COBL: variants seen among roughly 807,000 people sequenced by gnomAD.
COBL encodes protein cordon-bleu.
In COBL, 51 loss-of-function variants were observed where a neutral mutation model predicts 98.8. The ratio of observed to expected loss-of-function variants is 0.52; its 90% CI spans 0.41 to 0.65. The LOEUF (loss-of-function observed/expected upper bound fraction) is 0.65, where lower values mean the gene tolerates loss of function less well. Among genes scored for constraint, COBL ranks in the 30% least tolerant of loss-of-function variants. The pLI, the probability that COBL is intolerant of heterozygous loss-of-function variation, is 0.00. For synonymous variants in COBL, 634 were observed against 651.7 expected, an observed-to-expected ratio of 0.97 and a Z score of 0.41; for missense variants, 1,617 against 1,617.5, an observed-to-expected ratio of 1.00 and a Z score of 0.01.
At chr7:51,135,403 C>G in intron 6 of COBL, among the ~76,000 whole-genome samples, 1 of 152,084 alleles carries the variant, frequency 6.6e-6, no homozygotes, top group East Asian at 1.9e-4. Context: ...GGATAAAGAA[C>G]AACCATGAAG....
At chr7:51,163,892 G>T (rs1450776986) in intron 5 of COBL, among the ~76,000 whole-genome samples, 1 of 152,154 alleles carries the variant, frequency 6.6e-6, no homozygotes, top group African/African-American at 2.4e-5. Flanking sequence ...AAAACTAAAT[G>T]TATGTGTAAT....
rs146161254 is a variant in COBL, at chr7:51,292,428, A to C, written c.41+24165T>G. Among the ~76,000 whole-genome samples, 35 of 152,356 alleles carry C rather than the reference A, an allele frequency of 2.3e-4. 1 individual carries two copies. Among genetic ancestry groups the C allele is most frequent in the African/African-American group, 7.5e-4 (31 of 41,590 alleles). On this transcript the variant is annotated intron_variant, in intron 1 of 12. Transcript: ENST00000265136. ...TTAGAATGAGTACTATTTAAATATG[A>C]CTGATAAAGACATTAAAAAACGTCC...
intron 1 of COBL, among the ~76,000 whole-genome samples, chr7:51,309,519 GAGTCCA>G (rs1165742178): frequency 6.6e-6 from 1 of 152,192 alleles, no homozygotes; most frequent in African/African-American, 2.4e-5. Context: ...CTGGCAAGCT[GAGTCCA>G]AGCACATCAG....
chr7:51,034,930 A>T (rs1788487500), intron 8 of COBL: 1 of 152,246 alleles, frequency 6.6e-6, no homozygotes, highest in East Asian at 1.9e-4. Context: ...TAAGTATTGC[A>T]GTTATTTTCT....
At chr7:51,233,041 G>C (rs915186375) in intron 1 of COBL, among the ~76,000 whole-genome samples, 1 of 152,002 alleles carries the variant, frequency 6.6e-6, no homozygotes, top group Admixed American at 6.6e-5. Flanking sequence ...GTCCACAAGA[G>C]GTATAAGAGA....
At chr7:51,124,820 CTTTA>C (rs995571308) in intron 6 of COBL, among the ~76,000 whole-genome samples, 10 of 148,934 alleles carry the variant, frequency 6.7e-5, no homozygotes, top group African/African-American at 2.5e-4. Flanking sequence ...TTCTTTCTTT[CTTTA>C]TTTTTGTTTT....
Position 51,166,063 on chromosome 7 carries a change from A to G in COBL, c.783+18039T>C, listed in dbSNP as rs180778258. On this transcript the variant is annotated intron_variant, in intron 5 of 12. Coordinates refer to ENST00000265136, the MANE Select transcript of COBL (RefSeq NM_015198.5). Reference sequence around the variant, plus strand: ...AACTATGCATCTTAAAGAATTAGAAAAGCAAGAGCAAATCAAACCCAAAAT... The same window carrying G: ...AACTATGCATCTTAAAGAATTAGAAGAGCAAGAGCAAATCAAACCCAAAAT... Among the ~76,000 whole-genome samples, 282 of 152,202 alleles carry G rather than the reference A, an allele frequency of 1.9e-3. 1 individual carries two copies. Among genetic ancestry groups the G allele is most frequent in the Middle Eastern group, 6.8e-3 (2 of 294 alleles).
chr7:51,202,215 G>GA (rs1584151539), intron 2 of COBL, among the ~76,000 whole-genome samples: 1 of 151,588 alleles, frequency 6.6e-6, no homozygotes, highest in Non-Finnish European at 1.5e-5. Flanking sequence ...AATAAGGAAA[G>GA]AAAAAAAAGT....
At chr7:51,188,098 GCCTCTCTGGGCTGGC>G in intron 4 of COBL, 1 of 628,420 alleles carries the variant, frequency 1.6e-6, no homozygotes, top group Non-Finnish European at 2.3e-6. Flanking sequence ...GGGTCAGCTT[GCCTCTCTGGGCTGGC>G]CCTCTCAGGG....
chr7:51,027,987 C>G lies in COBL; in HGVS notation c.3109G>C (p.Val1037Leu). 6.2e-7 allele frequency: 1 copy of G among 1,604,014 alleles called. No homozygotes were observed. Among genetic ancestry groups the G allele is most frequent in the South Asian group, 1.1e-5 (1 of 89,084 alleles). ...CCTGGGGCGCGCACAGAGCCATTGACCAGCTCCCTGCTGCAGGCCTGAGTG... is the reference window on the plus strand; with the variant it reads ...CCTGGGGCGCGCACAGAGCCATTGAGCAGCTCCCTGCTGCAGGCCTGAGTG... ...SDTQACSREL[V>L]NGSVRAPGHG... Residue 1037 changes from valine to leucine, a missense_variant, in exon 10 of 13, where the codon GTC becomes CTC. This residue lies in a region of COBL where 1,304 missense variants were observed against 1,282.0 expected (regional missense o/e 1.02). Transcript: ENST00000265136.
chr7:51,107,067 CTT>C (rs1255968210), intron 6 of COBL, among the ~76,000 whole-genome samples: 1 of 147,256 alleles, frequency 6.8e-6, no homozygotes, highest in African/African-American at 2.5e-5. Flanking sequence ...ATACTTAACA[CTT>C]TTTTTGTGAT....
Position 51,206,352 on chromosome 7 carries a change from C to T in COBL, c.246-12763G>A, listed in dbSNP as rs1455019593. On this transcript the variant is annotated intron_variant, in intron 2 of 12. Transcript: ENST00000265136. ...ACTAAAAATACAAAAATTAGCCAGGCGTGGTGGCACATGCCTGTAATCCCA... is the reference window on the plus strand; with the variant it reads ...ACTAAAAATACAAAAATTAGCCAGGTGTGGTGGCACATGCCTGTAATCCCA... Among the ~76,000 whole-genome samples the T allele has an allele frequency of 2.6e-5, 4 of 152,016 alleles. No individual in the cohort carries two copies. In the East Asian group the frequency reaches 7.7e-4, roughly 29 times the overall value.
rs746935929 is a variant in COBL, at chr7:51,043,695, G to A, written c.1097-3C>T. 32 of 1,611,354 alleles carry A rather than the reference G, an allele frequency of 2.0e-5. No homozygotes were observed. The highest frequency in any genetic ancestry group is 2.6e-5 in the Non-Finnish European group (31 of 1,179,144). On this transcript the variant is annotated splice_polypyrimidine_tract_variant and splice_region_variant and intron_variant, in intron 7 of 12. Transcript: ENST00000265136. The stretch of plus-strand genomic sequence containing the variant: ...GCCAGACCCCAGGGGCAGGCTTACT[G>A]GACAAGACACGGCAAGGACAGGTCA...
intron 1 of COBL, among the ~76,000 whole-genome samples, chr7:51,231,883 C>T (rs1794790302): frequency 6.6e-6 from 1 of 152,222 alleles, no homozygotes; most frequent in Non-Finnish European, 1.5e-5. Context: ...CCCTGCCCCT[C>T]ATCCCCACCC....
chr7:51,254,996 TA>T (rs1797067923), intron 1 of COBL, among the ~76,000 whole-genome samples: 1 of 152,312 alleles, frequency 6.6e-6, no homozygotes, highest in Non-Finnish European at 1.5e-5. Flanking sequence ...CCCACTCAAT[TA>T]AAAAGTACGT....
At chr7:51,093,891 C>A (rs1370400) in intron 6 of COBL, among the ~76,000 whole-genome samples, 146 of 144,512 alleles carry the variant, frequency 1.0e-3, no homozygotes, top group African/African-American at 3.4e-3. Flanking sequence ...CAGGCCCTGA[C>A]ACCAAAAGAA....
chr7:51,259,155 C>T (rs1029659845), intron 1 of COBL, among the ~76,000 whole-genome samples: 8 of 151,884 alleles, frequency 5.3e-5, no homozygotes, highest in South Asian at 2.1e-4. Context: ...GATGCAGTGG[C>T]GATTGCCTGT....
At chr7:51,276,628 C>T (rs1799336076) in intron 1 of COBL, among the ~76,000 whole-genome samples, 1 of 152,232 alleles carries the variant, frequency 6.6e-6, no homozygotes, top group Non-Finnish European at 1.5e-5. Flanking sequence ...AAAGGAGACA[C>T]AGACACAACC....
At chr7:51,239,997 T>C (rs1415645282) in intron 1 of COBL, among the ~76,000 whole-genome samples, 2 of 152,256 alleles carry the variant, frequency 1.3e-5, no homozygotes, top group Non-Finnish European at 2.9e-5. Context: ...TGTGTTCCAA[T>C]ACAATCTCAC....
Sources: gnomAD v4.1 joint callset for allele counts (sites outside exome capture counted in the v4.1 genomes callset) on GRCh38, gnomAD v4.1.1 for gene constraint, gnomAD v4.1.1 regional missense constraint, MANE v1.5 for transcripts, NCBI Gene and HGNC (gene_info 2026-07-23, HGNC 2026-07-21) for gene names.